The following FBXL17 variants were observed in gnomAD, a reference collection of about 807,000 sequenced individuals.
FBXL17 encodes F-box/LRR-repeat protein 17.
FBXL17 carries 22 observed loss-of-function variants against 66.2 expected under a neutral mutation model. The ratio of observed to expected loss-of-function variants is 0.33; its 90% confidence interval spans 0.24 to 0.47. FBXL17 has a LOEUF of 0.47. Ranked by LOEUF, FBXL17 falls within the 20% of genes least tolerant of loss-of-function variation. The probability of loss-of-function intolerance (pLI) is 1.00; values close to 1 mark genes in which losing one functional copy is unlikely to be tolerated. For missense variants in FBXL17, 878 were observed against 948.2 expected, an observed-to-expected ratio of 0.93 and a Z score of 0.97; for synonymous variants, 474 against 400.5, an observed-to-expected ratio of 1.18 and a Z score of -2.19.
intron 7 of FBXL17, among the ~76,000 whole-genome samples, chr5:107,906,708 C>T (rs1205108357): frequency 6.6e-6 from 1 of 152,066 alleles, no homozygotes. Flanking sequence ...GTGGGGAGGA[C>T]ACGTCTAGGA....
intron 4 of FBXL17, among the ~76,000 whole-genome samples, chr5:108,233,049 A>C (rs1755438584): frequency 6.6e-6 from 1 of 151,842 alleles, no homozygotes. Context: ...CTAGGAGTAG[A>C]ACTGGTGAGT....
chr5:107,883,732 G>C (rs894553553), intron 7 of FBXL17, among the ~76,000 whole-genome samples: 1 of 152,092 alleles, frequency 6.6e-6, no homozygotes, highest in Non-Finnish European at 1.5e-5. Flanking sequence ...CACATGCCTC[G>C]TACAGAGAAG....
intron 7 of FBXL17, among the ~76,000 whole-genome samples, chr5:107,911,248 A>C (rs1281404456): frequency 6.6e-6 from 1 of 152,126 alleles, no homozygotes; most frequent in Non-Finnish European, 1.5e-5. Context: ...GAAAATTTTT[A>C]TAAGAGAAGT....
chr5:107,895,059 G>T (rs746491398), intron 7 of FBXL17, among the ~76,000 whole-genome samples: 2 of 152,040 alleles, frequency 1.3e-5, no homozygotes, highest in Non-Finnish European at 1.5e-5. Flanking sequence ...TATATTATCA[G>T]GTTTTAATGT....
intron 4 of FBXL17, among the ~76,000 whole-genome samples, chr5:108,338,048 A>T (rs1252779960): frequency 6.6e-6 from 1 of 152,084 alleles, no homozygotes; most frequent in Non-Finnish European, 1.5e-5. Context: ...TAATAGAATG[A>T]GTATATGTGT....
intron 5 of FBXL17, among the ~76,000 whole-genome samples, chr5:108,195,162 G>A (rs941266119): frequency 2.0e-5 from 3 of 151,736 alleles, no homozygotes; most frequent in African/African-American, 7.3e-5. Flanking sequence ...GGTTGGAGGG[G>A]GCAATAAATA....
chr5:107,954,830 G>A (rs1356880400), intron 7 of FBXL17, among the ~76,000 whole-genome samples: 1 of 152,064 alleles, frequency 6.6e-6, no homozygotes, highest in Non-Finnish European at 1.5e-5. Context: ...AAGATAAATG[G>A]AAGAAGGTTA....
chr5:108,009,308 T>TAGATAGATAGATAGATATATATACACAC, intron 7 of FBXL17, among the ~76,000 whole-genome samples: 6 of 42,210 alleles, frequency 1.4e-4, no homozygotes, highest in African/African-American at 4.4e-4. Flanking sequence ...TATACATATA[T>TAGATAGATAGATAGATATATATACACAC]ACATACACAT....
chr5:108,281,126 A>C (rs1757686541), intron 4 of FBXL17, among the ~76,000 whole-genome samples: 1 of 151,936 alleles, frequency 6.6e-6, no homozygotes, highest in Admixed American at 6.6e-5. Context: ...CAGTACAAAA[A>C]AATGATAAAG....
intron 4 of FBXL17, among the ~76,000 whole-genome samples, chr5:108,240,430 T>C (rs1755805827): frequency 6.6e-6 from 1 of 152,148 alleles, no homozygotes; most frequent in Admixed American, 6.5e-5. Flanking sequence ...CAGTACTCCC[T>C]GTGGGCCTGT....
At chr5:108,270,947 T>C (rs1345347235) in intron 4 of FBXL17, among the ~76,000 whole-genome samples, 4 of 152,070 alleles carry the variant, frequency 2.6e-5, no homozygotes, top group Non-Finnish European at 4.4e-5. Flanking sequence ...TAAACATTCA[T>C]CTCTCCCCCT....
intron 6 of FBXL17, among the ~76,000 whole-genome samples, chr5:108,098,459 T>A (rs1294007483): frequency 6.6e-6 from 1 of 152,044 alleles, no homozygotes; most frequent in Non-Finnish European, 1.5e-5. Context: ...AAAAAATACT[T>A]TTCATGCCGG....
In FBXL17 at chr5:108,215,980, C is replaced by T. The variant is rs569199989; in HGVS notation, c.1614+8141G>A. Among the ~76,000 whole-genome samples the T allele has an allele frequency of 5.3e-5, 8 of 152,156 alleles. No individual in the cohort carries two copies. The South Asian group carries it at 1.7e-3, about 32-fold the overall frequency. On this transcript the variant is annotated intron_variant, in intron 5 of 8. Coordinates refer to ENST00000542267, the MANE Select transcript of FBXL17 (RefSeq NM_001163315.3). ...CTCTTCTCATTGAATGGTTTTAGCA[C>T]CCTTTCAAATATTAATAGGACATAG...
rs1253850644 is a variant in FBXL17, at chr5:108,125,653, G to A, written c.1745+60464C>T. Among the ~76,000 whole-genome samples the A allele has an allele frequency of 8.5e-5, 13 of 152,148 alleles. No homozygotes were observed. The East Asian group carries it at 2.3e-3, about 27-fold the overall frequency. On this transcript the variant is annotated intron_variant, in intron 6 of 8. Transcript: ENST00000542267. ...AAATGGCAGATAGTTTTGATGGAACGTGGTAGCTTGGGTGGGATATGTTAA... is the reference window on the plus strand; with the variant it reads ...AAATGGCAGATAGTTTTGATGGAACATGGTAGCTTGGGTGGGATATGTTAA...
intron 2 of FBXL17, among the ~76,000 whole-genome samples, chr5:108,365,657 A>G (rs1280952854): frequency 6.6e-6 from 1 of 152,104 alleles, no homozygotes; most frequent in East Asian, 1.9e-4. Context: ...CAAGTTTATA[A>G]TTGGTCAGTG....
intron 3 of FBXL17, among the ~76,000 whole-genome samples, chr5:108,357,766 C>T (rs1383249482): frequency 6.6e-6 from 1 of 151,416 alleles, no homozygotes; most frequent in African/African-American, 2.4e-5. Flanking sequence ...TACACGTGTA[C>T]AACGTGCAGG....
intron 4 of FBXL17, among the ~76,000 whole-genome samples, chr5:108,251,156 T>G (rs1756333363): frequency 6.6e-6 from 1 of 152,036 alleles, no homozygotes; most frequent in Non-Finnish European, 1.5e-5. Flanking sequence ...TTATGAGAGA[T>G]TTATTTATAC....
At chr5:108,060,016 A>G (rs1747861053) in intron 6 of FBXL17, among the ~76,000 whole-genome samples, 1 of 150,506 alleles carries the variant, frequency 6.6e-6, no homozygotes, top group Non-Finnish European at 1.5e-5. Flanking sequence ...AAACCTATAT[A>G]TCCTGAATAT....
chr5:108,374,349 T>C (rs1414280988), intron 1 of FBXL17, among the ~76,000 whole-genome samples: 1 of 152,168 alleles, frequency 6.6e-6, no homozygotes, highest in Non-Finnish European at 1.5e-5. Flanking sequence ...CAAAGTATCT[T>C]TTCCAATGAC....
Sources: gnomAD v4.1 joint callset for allele counts (sites outside exome capture counted in the v4.1 genomes callset) on GRCh38, gnomAD v4.1.1 for gene constraint, MANE v1.5 for transcripts, NCBI Gene and HGNC (gene_info 2026-07-23, HGNC 2026-07-21) for gene names.